Variants in SLC30A8 observed in about 807,000 individuals in gnomAD.
SLC30A8 encodes solute carrier family 30 member 8, also known as proton-coupled zinc antiporter SLC30A8.
Under a neutral mutation model 36.9 loss-of-function variants are expected in SLC30A8, and 27 were observed. The ratio of observed to expected loss-of-function variants is 0.73; its 90% CI spans 0.54 to 1.01. SLC30A8 has a LOEUF of 1.01. SLC30A8 is among the 50% of genes least tolerant of loss of function. SLC30A8 has a pLI of 0.00. For missense variants in SLC30A8, 439 were observed against 452.0 expected (o/e 0.97, Z 0.26); for synonymous variants, 164 against 172.4 (o/e 0.95, Z 0.38).
intron 2 of SLC30A8, among the ~76,000 whole-genome samples, chr8:117,106,072 C>A (rs771510658): frequency 1.2e-4 from 19 of 152,172 alleles, no homozygotes; most frequent in Non-Finnish European, 2.2e-4. Context: ...CTCTCATTCT[C>A]TCACTTATTC....
chr8:117,099,413 A>G (rs578193952), intron 2 of SLC30A8, among the ~76,000 whole-genome samples: 19 of 152,330 alleles, frequency 1.2e-4, no homozygotes, highest in South Asian at 1.0e-3. Context: ...GTCTCACTCC[A>G]GAACCCAAGC....
chr8:117,129,860 G>A (rs1821058490), intron 2 of SLC30A8: 1 of 151,856 alleles, frequency 6.6e-6, no homozygotes, highest in South Asian at 2.1e-4. Context: ...ATAATGTTTT[G>A]TGTTTGCTTG....
chr8:117,067,298 CAT>C (rs1184857245), intron 2 of SLC30A8, among the ~76,000 whole-genome samples: 2 of 151,552 alleles, frequency 1.3e-5, no homozygotes, highest in Admixed American at 6.6e-5. Flanking sequence ...GGATTTTAGT[CAT>C]ATAAATCAAT....
chr8:117,028,079 TG>T (rs1387355319), intron 1 of SLC30A8, among the ~76,000 whole-genome samples: 1 of 152,230 alleles, frequency 6.6e-6, no homozygotes, highest in Non-Finnish European at 1.5e-5. Context: ...AAGGCTGCCG[TG>T]CGTTGGTCGA....
Position 117,174,873 on chromosome 8 carries a change from T to A in SLC30A8, c.*2192T>A, listed in dbSNP as rs556367648. On this transcript the variant is annotated 3_prime_UTR_variant, in exon 8 of 8. Coordinates refer to ENST00000456015, the MANE Select transcript of SLC30A8 (RefSeq NM_173851.3). ...AAACTCTGAACAGTAGATGTTTATATGGCAAAATGCAAGACAATCTACAAG... is the reference window on the plus strand; with the variant it reads ...AAACTCTGAACAGTAGATGTTTATAAGGCAAAATGCAAGACAATCTACAAG... 6.6e-6 allele frequency: 1 copy of A among 152,502 alleles called. No individual in the cohort carries two copies. The highest frequency in any genetic ancestry group is 1.5e-5 in the Non-Finnish European group (1 of 67,988). 9.4% of individuals were successfully genotyped at this position (152,502 alleles called of 1,614,324 possible). A position where few individuals can be genotyped will look rare whatever the true frequency, so the allele number is the denominator to read the frequency against.
chr8:116,980,317 C>T (rs1315032124), intron 1 of SLC30A8, among the ~76,000 whole-genome samples: 2 of 151,986 alleles, frequency 1.3e-5, no homozygotes, highest in Non-Finnish European at 2.9e-5. Flanking sequence ...GGAGTCTTGT[C>T]CAGGTGATCT....
intron 2 of SLC30A8, among the ~76,000 whole-genome samples, chr8:117,148,302 A>G (rs919013933): frequency 2.0e-5 from 3 of 152,098 alleles, no homozygotes; most frequent in Admixed American, 6.5e-5. Context: ...TTTTTTCTAA[A>G]TAACAGTTTT....
At chr8:117,026,362 A>G (rs1816871263) in intron 1 of SLC30A8, among the ~76,000 whole-genome samples, 1 of 151,698 alleles carries the variant, frequency 6.6e-6, no homozygotes, top group Non-Finnish European at 1.5e-5. Flanking sequence ...TTAAGAAAGC[A>G]TAGGGCAGAA....
intron 4 of SLC30A8, among the ~76,000 whole-genome samples, chr8:117,161,456 A>G (rs1457227135): frequency 6.6e-6 from 1 of 152,188 alleles, no homozygotes; most frequent in Non-Finnish European, 1.5e-5. Flanking sequence ...CTTGATTTTC[A>G]TCTAAGAAGT....
intron 2 of SLC30A8, among the ~76,000 whole-genome samples, chr8:117,073,744 A>G (rs926179860): frequency 2.0e-5 from 3 of 152,266 alleles, no homozygotes; most frequent in African/African-American, 7.2e-5. Flanking sequence ...CAGTTTCTCA[A>G]AAGAGATATT....
intron 2 of SLC30A8, among the ~76,000 whole-genome samples, chr8:117,060,284 A>AAAGC (rs928978844): frequency 2.6e-5 from 4 of 152,140 alleles, no homozygotes; most frequent in African/African-American, 4.8e-5. Context: ...TCAGATGCCA[A>AAAGC]AAGCAAGCAA....
intron 6 of SLC30A8, among the ~76,000 whole-genome samples, chr8:117,170,294 G>T (rs1024494383): frequency 6.6e-6 from 1 of 152,130 alleles, no homozygotes; most frequent in Non-Finnish European, 1.5e-5. Flanking sequence ...GAATGGAGTC[G>T]TGGTACATTT....
intron 2 of SLC30A8, chr8:117,039,378 A>T (rs1282966605): frequency 2.6e-5 from 4 of 151,994 alleles, no homozygotes. Context: ...TTCTTTTCTA[A>T]TAATATATCT....
intron 2 of SLC30A8, among the ~76,000 whole-genome samples, chr8:117,115,595 T>A (rs1458644575): frequency 6.6e-6 from 1 of 152,106 alleles, no homozygotes; most frequent in Admixed American, 6.6e-5. Flanking sequence ...TGTTTTTTCC[T>A]CAGTGAAATT....
At chr8:116,976,236 C>G (rs1214074630) in intron 1 of SLC30A8, among the ~76,000 whole-genome samples, 2 of 125,084 alleles carry the variant, frequency 1.6e-5, no homozygotes, top group African/African-American at 2.6e-5. Context: ...CTGGTAAGTT[C>G]TCTCTCTTTT....
chr8:117,103,370 T>C (rs188474962), intron 2 of SLC30A8, among the ~76,000 whole-genome samples: 3 of 152,280 alleles, frequency 2.0e-5, no homozygotes, highest in African/African-American at 7.2e-5. Flanking sequence ...CTGAGGCATC[T>C]GCCCTCTCTT....
chr8:117,043,276 A>G (rs193044122), intron 2 of SLC30A8, among the ~76,000 whole-genome samples: 1 of 152,356 alleles, frequency 6.6e-6, no homozygotes, highest in Admixed American at 6.5e-5. Flanking sequence ...AACCAAGGAC[A>G]TTGGATCCAG....
At chr8:117,172,095 T>A (rs1823413080) in intron 7 of SLC30A8, among the ~76,000 whole-genome samples, 1 of 152,134 alleles carries the variant, frequency 6.6e-6, no homozygotes, top group Non-Finnish European at 1.5e-5. Context: ...GTTGCTGCTC[T>A]AAGAAAGGTC....
intron 1 of SLC30A8, among the ~76,000 whole-genome samples, chr8:117,012,286 A>G (rs554902508): frequency 3.9e-5 from 6 of 152,014 alleles, no homozygotes; most frequent in African/African-American, 1.2e-4. Context: ...TCTTTTGTTC[A>G]ATGTTTTCTG....
Sources: gnomAD v4.1 joint callset for allele counts (sites outside exome capture counted in the v4.1 genomes callset) on GRCh38, gnomAD v4.1.1 for gene constraint, MANE v1.5 for transcripts, NCBI Gene and HGNC (gene_info 2026-07-23, HGNC 2026-07-21) for gene names.